The following ZSCAN5A variants were observed in gnomAD, a reference collection of about 807,000 sequenced individuals.
ZSCAN5A encodes the protein zinc finger and SCAN domain-containing protein 5A.
ZSCAN5A carries 12 observed loss-of-function variants against 23.7 expected under a neutral mutation model. The ratio of observed to expected loss-of-function variants is 0.51; its 90% CI spans 0.32 to 0.82. The LOEUF is 0.82. ZSCAN5A is among the 40% of genes least tolerant of loss of function. The pLI, the probability that ZSCAN5A is intolerant of heterozygous loss-of-function variation, is 0.03. For synonymous variants in ZSCAN5A, 257 were observed against 239.9 expected, an observed-to-expected ratio of 1.07 and a Z score of -0.66; for missense variants, 597 against 617.9, an observed-to-expected ratio of 0.97 and a Z score of 0.36.
chr19:56,243,487 A>C (rs191628496), intron 2 of ZSCAN5A, among the ~76,000 whole-genome samples: 2 of 152,276 alleles, frequency 1.3e-5, no homozygotes, highest in East Asian at 3.9e-4. Context: ...TAACAAGAAA[A>C]GGTGTTGGGG....
At chr19:56,293,356 C>T (rs535353610) in intron 2 of ZSCAN5A, among the ~76,000 whole-genome samples, 122 of 152,286 alleles carry the variant, frequency 8.0e-4, no homozygotes, top group Middle Eastern at 3.4e-3. Flanking sequence ...GGATCCCAAA[C>T]GGTGCTATTA....
chr19:56,344,925 A>G (rs1228789103), intron 2 of ZSCAN5A, among the ~76,000 whole-genome samples: 73 of 147,004 alleles, frequency 5.0e-4, no homozygotes, highest in South Asian at 1.1e-3. Context: ...AAAAAAAAAA[A>G]AAAAAAAAAA....
Position 56,223,932 on chromosome 19 carries a change from T to G in ZSCAN5A, c.385-98A>C, listed in dbSNP as rs2033615561. On this transcript the variant is annotated intron_variant, in intron 3 of 5. Coordinates refer to ENST00000683990, the MANE Select transcript of ZSCAN5A (RefSeq NM_001322064.3). ...CCATAATGCTCACACTTTACTGTAA[T>G]TAATGTTCAAATCTGCCTTCCCAAT... 6 of 1,112,186 alleles carry G rather than the reference T, an allele frequency of 5.4e-6. No individual in the cohort carries two copies. In the Admixed American group the frequency reaches 1.4e-4, roughly 26 times the overall value. 68.9% of individuals were successfully genotyped at this position (1,112,186 alleles called of 1,614,324 possible).
chr19:56,357,885 T>C (rs2041708431), intron 2 of ZSCAN5A, among the ~76,000 whole-genome samples: 1 of 148,378 alleles, frequency 6.7e-6, no homozygotes, highest in African/African-American at 2.5e-5. Flanking sequence ...CGTGCAAAGA[T>C]ACACCTAGGC....
At chr19:56,340,691 G>A (rs765675416) in intron 2 of ZSCAN5A, 1 of 152,174 alleles carries the variant, frequency 6.6e-6, no homozygotes, top group Non-Finnish European at 1.5e-5. Context: ...TTAGCTGTTA[G>A]AGCCTTCATA....
At chr19:56,258,627 C>T (rs900537933) in intron 2 of ZSCAN5A, among the ~76,000 whole-genome samples, 2 of 152,094 alleles carry the variant, frequency 1.3e-5, no homozygotes, top group African/African-American at 2.4e-5. Flanking sequence ...ACACGCCTTC[C>T]GGTGTAGGGG....
chr19:56,249,228 T>G lies in ZSCAN5A; in HGVS notation c.-127-24055A>C, dbSNP rs10414098. Among the ~76,000 whole-genome samples, 238 of 152,306 alleles carry G rather than the reference T, an allele frequency of 1.6e-3. 2 individuals are homozygous for G. The highest frequency in any genetic ancestry group is 6.8e-3 in the Middle Eastern group (2 of 294). On this transcript the variant is annotated intron_variant, in intron 2 of 5. Coordinates refer to ENST00000683990, the MANE Select transcript of ZSCAN5A (RefSeq NM_001322064.3). ...GGCCCTGATCCCAGAGCTTCCAGTT[T>G]AGTAGATCAGGGGTGTGGCCTTAGA...
intron 2 of ZSCAN5A, among the ~76,000 whole-genome samples, chr19:56,230,235 G>A (rs1013442410): frequency 5.3e-5 from 8 of 152,044 alleles, no homozygotes; most frequent in Non-Finnish European, 1.2e-4. Flanking sequence ...TCAGGCACAC[G>A]CCACCATGCC....
chr19:56,248,975 T>G (rs1004641727), intron 2 of ZSCAN5A, among the ~76,000 whole-genome samples: 1 of 152,146 alleles, frequency 6.6e-6, no homozygotes, highest in Admixed American at 6.5e-5. Flanking sequence ...CTCATGAGTA[T>G]CCACCACTGG....
intron 2 of ZSCAN5A, among the ~76,000 whole-genome samples, chr19:56,260,442 G>A (rs1003005111): frequency 7.9e-5 from 12 of 152,054 alleles, no homozygotes; most frequent in Non-Finnish European, 4.4e-5. Context: ...TCGAACTCTC[G>A]ACCTCAGGTG....
At chr19:56,299,458 AT>A (rs1388253255) in intron 2 of ZSCAN5A, among the ~76,000 whole-genome samples, 1 of 151,960 alleles carries the variant, frequency 6.6e-6, no homozygotes, top group Admixed American at 6.6e-5. Context: ...AAAAAAAAAA[AT>A]CTCAGCTAGC....
upstream of ZSCAN5A, among the ~76,000 whole-genome samples, chr19:56,319,498 G>GAAAATAAAA (rs2041352313): frequency 1.3e-5 from 1 of 78,406 alleles, no homozygotes; most frequent in African/African-American, 4.7e-5. Context: ...TCCATCTCGG[G>GAAAATAAAA]AAAAAAAAAA....
chr19:56,301,188 GC>G (rs2040204326), intron 2 of ZSCAN5A, among the ~76,000 whole-genome samples: 1 of 152,204 alleles, frequency 6.6e-6, no homozygotes, highest in Admixed American at 6.5e-5. Context: ...TAAAAGACTG[GC>G]TACTCCATAG....
At chr19:56,364,712 T>C (rs764381106) in intron 1 of ZSCAN5A, among the ~76,000 whole-genome samples, 3 of 152,318 alleles carry the variant, frequency 2.0e-5, no homozygotes, top group Non-Finnish European at 2.9e-5. Flanking sequence ...ATAAACTAAC[T>C]GGTACATTCA....
intron 2 of ZSCAN5A, chr19:56,301,980 C>G: frequency 8.1e-7 from 1 of 1,232,152 alleles, no homozygotes; most frequent in Middle Eastern, 3.1e-4. Context: ...AAACCCTTCT[C>G]AGGCACCACC....
intron 2 of ZSCAN5A, among the ~76,000 whole-genome samples, chr19:56,242,869 C>T (rs1187783886): frequency 6.6e-6 from 1 of 152,138 alleles, no homozygotes; most frequent in Non-Finnish European, 1.5e-5. Context: ...ACTTCCACCT[C>T]CCTGATTCAA....
At position 56,225,033 on chromosome 19, in the gene ZSCAN5A, C is replaced by G. The variant is rs775624525; in HGVS notation, c.14G>C (p.Cys5Ser). Residue 5 changes from cysteine to serine, a missense_variant, in exon 3 of 6, where the codon TGC becomes TCC. Coordinates refer to ENST00000683990, the MANE Select transcript of ZSCAN5A (RefSeq NM_001322064.3). Reference sequence around the variant, plus strand: ...TTCTCCTAGACTCCATGAGGATGTGCAATTTGCAGCCATATCTAGTGGAGA... The same window carrying G: ...TTCTCCTAGACTCCATGAGGATGTGGAATTTGCAGCCATATCTAGTGGAGA... The part of the protein sequence containing the change: MAAN[C>S]TSSWSLGESC... 1 of 1,597,800 alleles carries G rather than the reference C, an allele frequency of 6.3e-7. No homozygotes were observed. The highest frequency in any genetic ancestry group is 1.7e-4 in the Middle Eastern group (1 of 5,978).
chr19:56,367,779 T>C (rs947053493), intron 1 of ZSCAN5A: 2 of 152,124 alleles, frequency 1.3e-5, no homozygotes, highest in African/African-American at 4.8e-5. Flanking sequence ...ACAGCTCAAG[T>C]GTCAACCAAA....
At chr19:56,300,866 AC>A (rs2040179289) in intron 2 of ZSCAN5A, among the ~76,000 whole-genome samples, 1 of 152,244 alleles carries the variant, frequency 6.6e-6, no homozygotes, top group Admixed American at 6.5e-5. Context: ...GAAAAATGTT[AC>A]ACAGGCGAAA....
Sources: gnomAD v4.1 joint callset for allele counts (sites outside exome capture counted in the v4.1 genomes callset) on GRCh38, gnomAD v4.1.1 for gene constraint, MANE v1.5 for transcripts, NCBI Gene and HGNC (gene_info 2026-07-23, HGNC 2026-07-21) for gene names.